PCDHGA1: variants seen among roughly 807,000 people sequenced by gnomAD.
The protein encoded by PCDHGA1 is protocadherin gamma subfamily A, 1.
In PCDHGA1, 32 loss-of-function variants were observed where a neutral mutation model predicts 58.0. The observed-to-expected ratio is 0.55, with a 90% CI of 0.42 to 0.74. The LOEUF is 0.74. Ranked by LOEUF, PCDHGA1 falls within the 30% of genes least tolerant of loss-of-function variation. The pLI is 0.00. For missense variants in PCDHGA1, 1,205 were observed against 1,182.3 expected (o/e 1.02, Z -0.28); for synonymous variants, 498 against 501.1 (o/e 0.99, Z 0.08).
chr5:141,362,722 T>C, intron 1 of PCDHGA1: 3 of 871,460 alleles, frequency 3.4e-6, no homozygotes, highest in Non-Finnish European at 5.1e-6. Context: ...CTCTCTGAAG[T>C]GTGAGATTTA....
intron 1 of PCDHGA1, chr5:141,430,826 C>A: frequency 6.4e-7 from 1 of 1,550,416 alleles, no homozygotes; most frequent in Non-Finnish European, 8.7e-7. Flanking sequence ...CCTGGGGACT[C>A]TGTGGGAGAC....
chr5:141,345,741 G>C, intron 1 of PCDHGA1: 1 of 1,614,216 alleles, frequency 6.2e-7, no homozygotes, highest in African/African-American at 1.3e-5. Context: ...CCTCCCCACA[G>C]ACGGTTCCAC....
At chr5:141,360,766 G>A in intron 1 of PCDHGA1, 2 of 1,613,872 alleles carry the variant, frequency 1.2e-6, no homozygotes, top group Non-Finnish European at 1.7e-6. Flanking sequence ...ACATCAATTG[G>A]TCCTCACAGC....
Position 141,476,591 on chromosome 5 carries a change from G to T in PCDHGA1, c.2422-18216G>T, listed in dbSNP as rs200254399. The T allele has an allele frequency of 6.2e-7, 1 of 1,614,230 alleles. No homozygotes were observed. The highest frequency in any genetic ancestry group is 8.5e-7 in the Non-Finnish European group (1 of 1,180,046). On this transcript the variant is annotated intron_variant, in intron 1 of 3. Transcript: ENST00000517417. The surrounding 1 kb of genome is among the most constrained non-coding windows in gnomAD (Gnocchi z 7.6). The stretch of plus-strand genomic sequence containing the variant: ...GGGGACGCGCTTTCCGCTCGAGAGC[G>T]CGCACGATCCCGATGTGGGAAGCAA...
intron 1 of PCDHGA1, chr5:141,395,341 G>T: frequency 7.1e-7 from 1 of 1,409,696 alleles, no homozygotes; most frequent in Non-Finnish European, 9.4e-7. Flanking sequence ...AATTTTTAAG[G>T]TGTATCACAG....
At chr5:141,451,049 C>T (rs538627151) in intron 1 of PCDHGA1, among the ~76,000 whole-genome samples, 1 of 151,422 alleles carries the variant, frequency 6.6e-6, no homozygotes, top group African/African-American at 2.4e-5. Context: ...AGGCTGGTCT[C>T]GAACTCCTGA....
chr5:141,355,206 G>T lies in PCDHGA1; in HGVS notation c.2421+22101G>T, dbSNP rs377415037. ...GACTCCGCGGCGGGGTTGTAATGGCGGCGCCTCCTGCTCGCCCAGACCACA... is the reference window on the plus strand; with the variant it reads ...GACTCCGCGGCGGGGTTGTAATGGCTGCGCCTCCTGCTCGCCCAGACCACA... On this transcript the variant is annotated intron_variant, in intron 1 of 3. Coordinates refer to ENST00000517417, the MANE Select transcript of PCDHGA1 (RefSeq NM_018912.3). The T allele has an allele frequency of 2.4e-5, 39 of 1,598,352 alleles. 1 individual carries two copies. The highest frequency in any genetic ancestry group is 3.2e-5 in the Non-Finnish European group (37 of 1,171,044).
intron 2 of PCDHGA1, among the ~76,000 whole-genome samples, chr5:141,500,194 T>G (rs994324188): frequency 2.1e-4 from 31 of 147,918 alleles, no homozygotes; most frequent in African/African-American, 7.7e-4. Context: ...TTTTATTTAT[T>G]TATTTATTTA....
At position 141,400,246 on chromosome 5, in the gene PCDHGA1, G is replaced by A. The variant is rs373890751; in HGVS notation, c.2421+67141G>A. On this transcript the variant is annotated intron_variant, in intron 1 of 3. Transcript: ENST00000517417. Reference sequence around the variant, plus strand: ...CTTCCTCCTGGCCGTGATTCTGGCCGTTGCCTTGCGCCTGCGACGCTCCTC... The same window carrying A: ...CTTCCTCCTGGCCGTGATTCTGGCCATTGCCTTGCGCCTGCGACGCTCCTC... 5.0e-5 allele frequency: 81 copies of A among 1,613,984 alleles called. No homozygotes were observed. The African/African-American group carries it at 6.0e-4, about 12-fold the overall frequency.
Position 141,476,538 on chromosome 5 carries a change from A to G in PCDHGA1, c.2422-18269A>G, listed in dbSNP as rs2099393283. ...CCTGCTTTCCCTACCCAGGAAATGAAATTGGAGATTAGCGAGGCCGTGGCT... is the reference window on the plus strand; with the variant it reads ...CCTGCTTTCCCTACCCAGGAAATGAGATTGGAGATTAGCGAGGCCGTGGCT... On this transcript the variant is annotated intron_variant, in intron 1 of 3. Coordinates refer to ENST00000517417, the MANE Select transcript of PCDHGA1 (RefSeq NM_018912.3). The surrounding 1 kb of genome is among the most constrained non-coding windows in gnomAD (Gnocchi z 7.6). 1.2e-6 allele frequency: 2 copies of G among 1,614,162 alleles called. No homozygotes were observed. Among genetic ancestry groups the G allele is most frequent in the Non-Finnish European group, 1.7e-6 (2 of 1,180,042 alleles).
At chr5:141,350,721 C>T (rs1459818377) in intron 1 of PCDHGA1, 2 of 1,613,972 alleles carry the variant, frequency 1.2e-6, no homozygotes, top group Non-Finnish European at 1.7e-6. Flanking sequence ...CTGGATTCTG[C>T]TCAAGATGCA....
intron 1 of PCDHGA1, chr5:141,440,759 C>T (rs1160288117): frequency 1.3e-5 from 2 of 152,158 alleles, no homozygotes; most frequent in Admixed American, 6.6e-5. Flanking sequence ...AAGCAGAGCT[C>T]CCATCCCTTA....
Position 141,489,564 on chromosome 5 carries a change from G to A in PCDHGA1, c.2422-5243G>A, listed in dbSNP as rs375200685. The A allele has an allele frequency of 1.9e-6, 3 of 1,613,980 alleles. No homozygotes were observed. Among genetic ancestry groups the A allele is most frequent in the Non-Finnish European group, 1.7e-6 (2 of 1,180,020 alleles). On this transcript the variant is annotated intron_variant, in intron 1 of 3. Transcript: ENST00000517417. This position sits in a 1 kb window ranked among gnomAD's most constrained non-coding sequence, Gnocchi z 4.5. Reference sequence around the variant, plus strand: ...CCAGCTGCCTGCTGCCAGTGCAGGTGGTGACTGAACACCCCCTGGAGCTAA... The same window carrying A: ...CCAGCTGCCTGCTGCCAGTGCAGGTAGTGACTGAACACCCCCTGGAGCTAA...
At chr5:141,394,379 T>C in intron 1 of PCDHGA1, 1 of 1,614,160 alleles carries the variant, frequency 6.2e-7, no homozygotes, top group Non-Finnish European at 8.5e-7. Context: ...CTTTCGACTA[T>C]GAGCAGATCC....
rs1487270083 is a variant in PCDHGA1, at chr5:141,402,944, G to T, written c.2421+69839G>T. ...GATCCTTTTGAGAAAATTCCAAAGC[G>T]AGGCAGCAATGGCAGCTCCAACCAA... is the stretch of plus-strand genomic sequence containing the variant. On this transcript the variant is annotated intron_variant, in intron 1 of 3. Transcript: ENST00000517417. The T allele has an allele frequency of 3.8e-6, 6 of 1,592,018 alleles. No individual in the cohort carries two copies. The African/African-American group carries it at 8.1e-5, about 22-fold the overall frequency.
At chr5:141,469,948 T>C (rs1258593339) in intron 1 of PCDHGA1, among the ~76,000 whole-genome samples, 2 of 152,110 alleles carry the variant, frequency 1.3e-5, no homozygotes, top group Admixed American at 1.3e-4. Flanking sequence ...CTGGCCAGCA[T>C]GGTGAAACCC....
Position 141,351,977 on chromosome 5 carries a change from A to G in PCDHGA1, c.2421+18872A>G, listed in dbSNP as rs531004822. 39 of 1,612,178 alleles carry G rather than the reference A, an allele frequency of 2.4e-5. No homozygotes were observed. The South Asian group carries it at 3.5e-4, about 15-fold the overall frequency. ...GCCTGATGGCTCCGCCCTCTTCGAT[A>G]TGGTGCCACGCGCCGCAGAGCCCGG... On this transcript the variant is annotated intron_variant, in intron 1 of 3. Coordinates refer to ENST00000517417, the MANE Select transcript of PCDHGA1 (RefSeq NM_018912.3).
At chr5:141,433,404 TATTA>T (rs142533293) in intron 1 of PCDHGA1, among the ~76,000 whole-genome samples, 252 of 146,310 alleles carry the variant, frequency 1.7e-3, no homozygotes, top group African/African-American at 6.2e-3. Context: ...TCTATCTATC[TATTA>T]CTTTCTTGTA....
chr5:141,385,672 C>A, intron 1 of PCDHGA1: 2 of 389,948 alleles, frequency 5.1e-6, no homozygotes, highest in Non-Finnish European at 7.4e-6. Flanking sequence ...ATAAAACACA[C>A]CTCAGCTGTC....
Sources: gnomAD v4.1 joint callset for allele counts (sites outside exome capture counted in the v4.1 genomes callset) on GRCh38, gnomAD v4.1.1 for gene constraint, Gnocchi (gnomAD v3.1) non-coding constraint, MANE v1.5 for transcripts, NCBI Gene and HGNC (gene_info 2026-07-23, HGNC 2026-07-21) for gene names.